GRIA1: variants seen among roughly 807,000 people sequenced by gnomAD.
The protein encoded by GRIA1 is glutamate ionotropic receptor AMPA type subunit 1.
In GRIA1, 31 loss-of-function variants were observed where a neutral mutation model predicts 99.2. The observed-to-expected ratio is 0.31, with a 90% CI of 0.23 to 0.42. The LOEUF (loss-of-function observed/expected upper bound fraction) is 0.42. Among genes scored for constraint, GRIA1 ranks in the 10% least tolerant of loss-of-function variants. GRIA1 has a pLI of 1.00. For synonymous variants in GRIA1, 438 were observed against 432.4 expected, an observed-to-expected ratio of 1.01 and a Z score of -0.16; for missense variants, 782 against 1,157.5, an observed-to-expected ratio of 0.68 and a Z score of 4.71.
chr5:153,614,958 A>G (rs1257777983), intron 2 of GRIA1, among the ~76,000 whole-genome samples: 1 of 152,244 alleles, frequency 6.6e-6, no homozygotes, highest in Non-Finnish European at 1.5e-5. Context: ...CTCCAGAAAC[A>G]TCAAGTGGGT....
chr5:153,649,077 A>C (rs535736918), intron 3 of GRIA1, among the ~76,000 whole-genome samples: 8 of 152,274 alleles, frequency 5.3e-5, no homozygotes, highest in African/African-American at 1.9e-4. Flanking sequence ...GACGACCACC[A>C]TTACTGGCCT....
intron 2 of GRIA1, among the ~76,000 whole-genome samples, chr5:153,643,569 T>G (rs1159366420): frequency 1.2e-4 from 19 of 152,316 alleles, no homozygotes; most frequent in Non-Finnish European, 4.4e-5. Flanking sequence ...TGTCTCTCTC[T>G]CTTTCTTTTA....
chr5:153,804,444 G>A (rs941521272), intron 15 of GRIA1, among the ~76,000 whole-genome samples: 4 of 152,106 alleles, frequency 2.6e-5, no homozygotes, highest in Non-Finnish European at 5.9e-5. Flanking sequence ...TACTCCGGTG[G>A]CAAAAAAGGG....
chr5:153,494,091 A>C (rs1177762195), intron 2 of GRIA1, 26 bp downstream of exon 2: 4 of 1,610,592 alleles, frequency 2.5e-6, no homozygotes, highest in Non-Finnish European at 3.4e-6. Context: ...TATTTCTGAG[A>C]TGTCTTTCTG....
intron 2 of GRIA1, among the ~76,000 whole-genome samples, chr5:153,615,456 A>T (rs1417617089): frequency 6.6e-6 from 1 of 152,156 alleles, no homozygotes; most frequent in Non-Finnish European, 1.5e-5. Context: ...ATACTAGTCA[A>T]CATAGTAAGG....
intron 5 of GRIA1, among the ~76,000 whole-genome samples, chr5:153,668,993 A>G (rs898483292): frequency 6.6e-6 from 1 of 152,210 alleles, no homozygotes; most frequent in Non-Finnish European, 1.5e-5. Context: ...CAGATTTTAT[A>G]GTTGGACCAC....
intron 11 of GRIA1, among the ~76,000 whole-genome samples, chr5:153,753,281 C>T (rs6580038): frequency 0.6 from 90,969 of 152,100 alleles, 27,952 homozygotes; most frequent in East Asian, 0.94. Context: ...CAAGCAGGAA[C>T]ACAATACAAC....
chr5:153,629,473 C>T (rs1561707102), intron 2 of GRIA1, among the ~76,000 whole-genome samples: 1 of 152,174 alleles, frequency 6.6e-6, no homozygotes, highest in East Asian at 1.9e-4. Context: ...AACTGGGAGA[C>T]TTTCAGGGTT....
At chr5:153,743,328 G>T (rs548185824) in intron 11 of GRIA1, among the ~76,000 whole-genome samples, 1 of 152,114 alleles carries the variant, frequency 6.6e-6, no homozygotes, top group East Asian at 1.9e-4. Flanking sequence ...TTACCTCATG[G>T]TTCTATAGGT....
intron 2 of GRIA1, among the ~76,000 whole-genome samples, chr5:153,622,656 C>A (rs1407284393): frequency 6.6e-6 from 1 of 152,138 alleles, no homozygotes; most frequent in African/African-American, 2.4e-5. Context: ...AACATGATAA[C>A]AAATATGAAA....
At chr5:153,757,085 A>T (rs1002723209) in intron 11 of GRIA1, among the ~76,000 whole-genome samples, 1 of 152,258 alleles carries the variant, frequency 6.6e-6, no homozygotes, top group Non-Finnish European at 1.5e-5. Context: ...GAAAAAATTC[A>T]GCAATTTAAC....
At chr5:153,674,687 A>C (rs779894033) in intron 6 of GRIA1, 26 bp downstream of exon 6, 5 of 1,612,204 alleles carry the variant, frequency 3.1e-6, no homozygotes, top group Non-Finnish European at 4.2e-6. Context: ...GCCAGCAGCA[A>C]AGGGCCAGCC....
intron 11 of GRIA1, among the ~76,000 whole-genome samples, chr5:153,744,937 C>A (rs936364703): frequency 1.3e-5 from 2 of 152,186 alleles, no homozygotes; most frequent in Non-Finnish European, 2.9e-5. Flanking sequence ...GTCAGGCAGG[C>A]TTCTTGGAGG....
At chr5:153,679,157 G>T (rs184981511) in intron 7 of GRIA1, among the ~76,000 whole-genome samples, 133 of 152,252 alleles carry the variant, frequency 8.7e-4, no homozygotes, top group African/African-American at 3.2e-3. Flanking sequence ...GTTCTTTGAG[G>T]ATCTATGGTG....
intron 11 of GRIA1, among the ~76,000 whole-genome samples, chr5:153,729,501 T>C (rs1760852169): frequency 6.6e-6 from 1 of 152,070 alleles, no homozygotes. Context: ...AAAGAGTGTG[T>C]TGGGGCAGTT....
chr5:153,502,246 T>C (rs117887634), intron 2 of GRIA1, among the ~76,000 whole-genome samples: 2 of 152,340 alleles, frequency 1.3e-5, no homozygotes, highest in East Asian at 3.9e-4. Flanking sequence ...GTGAGGTCAA[T>C]GACCTTGTTT....
At chr5:153,648,095 G>A (rs2149454884) in intron 3 of GRIA1, among the ~76,000 whole-genome samples, 1 of 152,326 alleles carries the variant, frequency 6.6e-6, no homozygotes, top group Admixed American at 6.5e-5. Flanking sequence ...TACTGATGTG[G>A]TTGCCTGCAG....
At position 153,636,752 on chromosome 5, in the gene GRIA1, C is replaced by G. The variant is rs76651527; in HGVS notation, c.221-10176C>G. On this transcript the variant is annotated intron_variant, in intron 2 of 15. Coordinates refer to ENST00000285900, the MANE Select transcript of GRIA1 (RefSeq NM_000827.4). ...TAAAAATAAACATTGTATCCCCACC[C>G]TGTGCTATCAAATTAGCATTAAATG... Among the ~76,000 whole-genome samples the G allele has an allele frequency of 2.7e-3, 413 of 152,362 alleles. 3 individuals are homozygous for G. The highest frequency in any genetic ancestry group is 9.2e-3 in the African/African-American group (381 of 41,588).
intron 2 of GRIA1, chr5:153,574,208 A>T (rs1421792433): frequency 6.6e-6 from 1 of 152,330 alleles, no homozygotes; most frequent in East Asian, 1.9e-4. Context: ...GTGTTACTAT[A>T]GTAATACCTG....
Sources: gnomAD v4.1 joint callset for allele counts (sites outside exome capture counted in the v4.1 genomes callset) on GRCh38, gnomAD v4.1.1 for gene constraint, MANE v1.5 for transcripts, NCBI Gene and HGNC (gene_info 2026-07-23, HGNC 2026-07-21) for gene names.